The following CNTNAP2 variants were observed in gnomAD, a reference collection of about 807,000 sequenced individuals.
The protein encoded by CNTNAP2 is contactin associated protein 2, also known as contactin-associated protein-like 2.
A neutral mutation model predicts 155.2 loss-of-function variants in CNTNAP2; 98 were observed. That is an observed-to-expected ratio of 0.63 (90% CI 0.54 to 0.75). The LOEUF (loss-of-function observed/expected upper bound fraction) is 0.75. Ranked by LOEUF, CNTNAP2 falls within the 30% of genes least tolerant of loss-of-function variation. The pLI is 0.00. For synonymous variants in CNTNAP2, 651 were observed against 631.2 expected (o/e 1.03, Z -0.47); for missense variants, 1,727 against 1,688.1 (o/e 1.02, Z -0.40).
At chr7:147,259,365 T>C (rs1290603223) in intron 8 of CNTNAP2, among the ~76,000 whole-genome samples, 1 of 152,196 alleles carries the variant, frequency 6.6e-6, no homozygotes, top group Non-Finnish European at 1.5e-5. Flanking sequence ...ACATCTGTCA[T>C]CTGTTAATAT....
At chr7:146,372,088 A>C (rs1435151504) in intron 1 of CNTNAP2, among the ~76,000 whole-genome samples, 1 of 152,188 alleles carries the variant, frequency 6.6e-6, no homozygotes, top group Admixed American at 6.5e-5. Flanking sequence ...GACAATGAAG[A>C]GGATATTAGT....
At chr7:147,237,537 A>G (rs1803835959) in intron 8 of CNTNAP2, among the ~76,000 whole-genome samples, 1 of 152,204 alleles carries the variant, frequency 6.6e-6, no homozygotes, top group African/African-American at 2.4e-5. Flanking sequence ...CATGCAGCTC[A>G]TTTCACTTTG....
At chr7:146,391,047 C>T (rs1305896050) in intron 1 of CNTNAP2, among the ~76,000 whole-genome samples, 5 of 147,432 alleles carry the variant, frequency 3.4e-5, no homozygotes, top group Admixed American at 2.1e-4. Context: ...AGCCTGGCAA[C>T]ATAGTGAGAC....
intron 1 of CNTNAP2, among the ~76,000 whole-genome samples, chr7:146,122,623 G>A (rs548054616): frequency 4.6e-5 from 7 of 150,762 alleles, no homozygotes; most frequent in East Asian, 3.9e-4. Context: ...AAGATTTGGT[G>A]TTACTCTGGT....
At chr7:146,696,405 G>A (rs1306827819) in intron 1 of CNTNAP2, among the ~76,000 whole-genome samples, 1 of 151,988 alleles carries the variant, frequency 6.6e-6, no homozygotes, top group Non-Finnish European at 1.5e-5. Flanking sequence ...TGATTTGTAT[G>A]TTTTCTCTGT....
At chr7:146,354,696 T>A (rs1036409479) in intron 1 of CNTNAP2, among the ~76,000 whole-genome samples, 6 of 152,154 alleles carry the variant, frequency 3.9e-5, no homozygotes, top group Admixed American at 1.3e-4. Context: ...ATTACGGAAG[T>A]GAGCCACTGT....
At chr7:147,191,643 A>G (rs936363770) in intron 8 of CNTNAP2, among the ~76,000 whole-genome samples, 1 of 152,194 alleles carries the variant, frequency 6.6e-6, no homozygotes, top group Non-Finnish European at 1.5e-5. Flanking sequence ...TAGGACAGTG[A>G]AAAACACTAT....
At chr7:146,631,625 G>A (rs1474629115) in intron 1 of CNTNAP2, among the ~76,000 whole-genome samples, 2 of 152,058 alleles carry the variant, frequency 1.3e-5, no homozygotes, top group African/African-American at 4.8e-5. Context: ...TCTTCTCTAG[G>A]TTGCAAAGAT....
At chr7:147,667,703 C>T (rs1224777692) in intron 13 of CNTNAP2, among the ~76,000 whole-genome samples, 1 of 151,888 alleles carries the variant, frequency 6.6e-6, no homozygotes, top group African/African-American at 2.4e-5. Context: ...TCCCTCCAAA[C>T]ACCACCTCTT....
intron 12 of CNTNAP2, among the ~76,000 whole-genome samples, chr7:147,583,566 T>A (rs10245208): frequency 0.69 from 101,091 of 145,728 alleles, 35,759 homozygotes; most frequent in African/African-American, 0.82. Flanking sequence ...TCTTTCTGAC[T>A]TACAAATCAA....
intron 1 of CNTNAP2, among the ~76,000 whole-genome samples, chr7:146,764,119 A>G (rs1269178878): frequency 2.0e-5 from 3 of 152,232 alleles, no homozygotes; most frequent in Non-Finnish European, 4.4e-5. Flanking sequence ...CAGTGGACCA[A>G]TAAATTACAA....
chr7:147,598,857 T>C (rs1800881838), intron 12 of CNTNAP2, among the ~76,000 whole-genome samples: 1 of 152,008 alleles, frequency 6.6e-6, no homozygotes, highest in Non-Finnish European at 1.5e-5. Flanking sequence ...AAGGGGCTTT[T>C]CCCCCTTTGC....
chr7:146,522,385 A>G (rs1443830836), intron 1 of CNTNAP2, among the ~76,000 whole-genome samples: 1 of 152,080 alleles, frequency 6.6e-6, no homozygotes, highest in Non-Finnish European at 1.5e-5. Context: ...AGTGAACTGC[A>G]ATGTGTCAGA....
intron 8 of CNTNAP2, among the ~76,000 whole-genome samples, chr7:147,238,090 C>G (rs1340929676): frequency 6.6e-6 from 1 of 152,214 alleles, no homozygotes; most frequent in Non-Finnish European, 1.5e-5. Context: ...TCTCGGCTCA[C>G]TACAAGCTCC....
intron 1 of CNTNAP2, among the ~76,000 whole-genome samples, chr7:146,131,848 T>A (rs983331122): frequency 1.3e-5 from 2 of 152,154 alleles, no homozygotes. Flanking sequence ...GTTTCCCCCA[T>A]GCTGTTCTCG....
chr7:147,075,669 A>G (rs1307224415), intron 4 of CNTNAP2, among the ~76,000 whole-genome samples: 3 of 152,196 alleles, frequency 2.0e-5, no homozygotes, highest in East Asian at 3.9e-4. Flanking sequence ...TCTAGGGTAC[A>G]TGTGTACAAC....
intron 10 of CNTNAP2, among the ~76,000 whole-genome samples, chr7:147,452,520 A>G (rs546550228): frequency 3.1e-4 from 47 of 152,326 alleles, no homozygotes; most frequent in Non-Finnish European, 5.4e-4. Flanking sequence ...AAGCAGATCA[A>G]AATGTTTCCT....
chr7:147,909,405 T>C (rs1462872183), intron 14 of CNTNAP2, among the ~76,000 whole-genome samples: 1 of 152,136 alleles, frequency 6.6e-6, no homozygotes, highest in East Asian at 1.9e-4. Flanking sequence ...TATTTACTGG[T>C]GTAAAATGCA....
chr7:146,393,743 A>ATT, intron 1 of CNTNAP2, among the ~76,000 whole-genome samples: 1 of 147,490 alleles, frequency 6.8e-6, no homozygotes, highest in South Asian at 2.2e-4. Flanking sequence ...CCATTTAATC[A>ATT]TTTTTTTTTT....
Sources: allele counts gnomAD v4.1 joint callset (sites outside exome capture counted in the v4.1 genomes callset), GRCh38; gene constraint gnomAD v4.1.1; transcripts MANE v1.5; gene names NCBI Gene and HGNC (gene_info 2026-07-23, HGNC 2026-07-21).